Variants in ITGA2 observed in about 807,000 individuals in gnomAD.
ITGA2 encodes the protein integrin subunit alpha 2, also known as integrin alpha-2.
Under a neutral mutation model 146.3 loss-of-function variants are expected in ITGA2, and 101 were observed. The observed-to-expected ratio is 0.69, with a 90% CI of 0.59 to 0.81. The LOEUF (loss-of-function observed/expected upper bound fraction) is 0.81, where lower values mean the gene tolerates loss of function less well. Ranked by LOEUF, ITGA2 falls within the 40% of genes least tolerant of loss-of-function variation. The pLI is 0.00. For synonymous variants in ITGA2, 477 were observed against 487.1 expected (o/e 0.98, Z 0.27); for missense variants, 1,281 against 1,402.7 (o/e 0.91, Z 1.39).
Position 53,051,539 on chromosome 5 carries a change from C to T in ITGA2, c.759C>T (p.Phe253=), listed in dbSNP as rs1126643. Residue 253 remains phenylalanine, a synonymous_variant, in exon 7 of 30, where the codon TTC becomes TTT. Coordinates refer to ENST00000296585, the MANE Select transcript of ITGA2 (RefSeq NM_002203.4). ...SQYGGDLTNT[F]GAIQYARKYA... is the part of the protein sequence containing the mutation. ...ATGGTGGGGACCTCACAAACACATTCGGAGCAATTCAATATGCAAGGTAAG... is the reference window on the plus strand; with the variant it reads ...ATGGTGGGGACCTCACAAACACATTTGGAGCAATTCAATATGCAAGGTAAG... 0.39 allele frequency: 630,746 copies of T among 1,611,596 alleles called. 124,953 individuals carry two copies. The highest frequency in any genetic ancestry group is 0.45 in the Admixed American group (26,752 of 59,936).
intron 2 of ITGA2, 85 bp from the exon 3 acceptor site, chr5:53,042,027 T>C (rs1743823229): frequency 3.5e-6 from 3 of 853,222 alleles, no homozygotes; most frequent in Admixed American, 1.7e-5. Flanking sequence ...GAAATTTAAA[T>C]GTGTTTTTCA....
chr5:53,045,496 C>T (rs1386727503), intron 4 of ITGA2, among the ~76,000 whole-genome samples: 2 of 152,118 alleles, frequency 1.3e-5, no homozygotes, highest in Non-Finnish European at 2.9e-5. Context: ...CTGGTGTTAT[C>T]TGAGGCATGG....
intron 10 of ITGA2, 133 bp from the exon 11 acceptor site, chr5:53,059,741 G>T: frequency 1.1e-6 from 1 of 870,328 alleles, no homozygotes; most frequent in Non-Finnish European, 1.8e-6. Flanking sequence ...TCTACAATAT[G>T]TCAATATATG....
chr5:53,030,611 G>A (rs987006174), intron 2 of ITGA2, among the ~76,000 whole-genome samples: 1 of 152,146 alleles, frequency 6.6e-6, no homozygotes, highest in African/African-American at 2.4e-5. Context: ...TGTTGATCTG[G>A]TCTTATGAAG....
intron 1 of ITGA2, among the ~76,000 whole-genome samples, chr5:53,015,972 T>C (rs1742383708): frequency 6.6e-6 from 1 of 152,208 alleles, no homozygotes. Flanking sequence ...TTTGAGCCTA[T>C]GGGTGTCATC....
At chr5:53,046,723 A>G (rs1744109817) in intron 4 of ITGA2, among the ~76,000 whole-genome samples, 1 of 151,878 alleles carries the variant, frequency 6.6e-6, no homozygotes, top group African/African-American at 2.4e-5. Flanking sequence ...AAAAAGAAAA[A>G]ACCCAAAGTT....
chr5:53,055,078 G>T (rs1461464129), intron 7 of ITGA2, among the ~76,000 whole-genome samples: 1 of 151,934 alleles, frequency 6.6e-6, no homozygotes, highest in African/African-American at 2.4e-5. Flanking sequence ...GTGGAGAGGG[G>T]TTTAGTGTCA....
chr5:53,058,206 C>G, intron 10 of ITGA2, 105 bp downstream of exon 10: 3 of 816,636 alleles, frequency 3.7e-6, no homozygotes, highest in Non-Finnish European at 6.4e-6. Flanking sequence ...AGGGATCAGC[C>G]CTTCTGATTC....
intron 1 of ITGA2, among the ~76,000 whole-genome samples, chr5:53,008,823 G>A (rs1741982074): frequency 6.6e-6 from 1 of 152,016 alleles, no homozygotes; most frequent in African/African-American, 2.4e-5. Context: ...GCCAGGTCTG[G>A]TATTTGATTT....
chr5:53,077,497 A>G (rs1745716845), intron 23 of ITGA2, among the ~76,000 whole-genome samples: 1 of 152,120 alleles, frequency 6.6e-6, no homozygotes, highest in Admixed American at 6.6e-5. Flanking sequence ...TAACAAATGG[A>G]AAAGTGTCAG....
At chr5:53,032,102 A>G (rs1230950769) in intron 2 of ITGA2, among the ~76,000 whole-genome samples, 1 of 152,184 alleles carries the variant, frequency 6.6e-6, no homozygotes, top group Non-Finnish European at 1.5e-5. Flanking sequence ...TCTAACAAGG[A>G]CTAGTGCATT....
chr5:53,090,372 G>C (rs1200465869), intron 29 of ITGA2, 147 bp from the exon 30 acceptor site: 1 of 729,512 alleles, frequency 1.4e-6, no homozygotes, highest in African/African-American at 1.8e-5. Context: ...GCAGGTGGTA[G>C]ATATCAGGTC....
chr5:53,027,819 C>T (rs780830603), intron 2 of ITGA2, among the ~76,000 whole-genome samples: 11 of 151,918 alleles, frequency 7.2e-5, no homozygotes, highest in Non-Finnish European at 1.0e-4. Context: ...CAGTGGCTCA[C>T]GCTTGTAATC....
chr5:53,051,020 A>G (rs1234113795), intron 6 of ITGA2, among the ~76,000 whole-genome samples: 2 of 152,186 alleles, frequency 1.3e-5, no homozygotes, highest in Non-Finnish European at 2.9e-5. Context: ...GATTGCTTAT[A>G]GTTGTTCGCG....
chr5:53,055,492 C>T (rs1340271604), intron 7 of ITGA2, 46 bp from the exon 8 acceptor site: 2 of 1,582,548 alleles, frequency 1.3e-6, no homozygotes, highest in Non-Finnish European at 8.7e-7. Flanking sequence ...CTCATATTAA[C>T]TTCATATTTT....
chr5:53,041,676 C>A (rs919515060), intron 2 of ITGA2, among the ~76,000 whole-genome samples: 8 of 152,216 alleles, frequency 5.3e-5, no homozygotes, highest in African/African-American at 1.9e-4. Context: ...CACTGAAGTT[C>A]AAAGACTTAG....
intron 18 of ITGA2, 90 bp from the exon 19 acceptor site, chr5:53,072,523 A>C (rs1579890084): frequency 8.4e-6 from 7 of 829,966 alleles, no homozygotes; most frequent in Non-Finnish European, 1.4e-5. Flanking sequence ...TTTGTACTTT[A>C]TGTAAATAGA....
intron 28 of ITGA2, among the ~76,000 whole-genome samples, chr5:53,088,072 C>T (rs567619512): frequency 5.3e-4 from 80 of 152,316 alleles, no homozygotes; most frequent in Admixed American, 1.1e-3. Context: ...TCTCTTCAGA[C>T]ACTGGGGCCT....
rs552866846 is a variant in ITGA2, at chr5:53,070,317, G to A, written c.2235+57G>A. ...ATTTCTTCCTAAAGACGAGAGAGTG[G>A]TAAAAGTCAAAAATGGAAGCTTATG... On this transcript the variant is annotated intron_variant, in intron 17 of 29. Coordinates refer to ENST00000296585, the MANE Select transcript of ITGA2 (RefSeq NM_002203.4). 56 of 1,576,310 alleles carry A rather than the reference G, an allele frequency of 3.6e-5. No homozygotes were observed. The African/African-American group carries it at 4.9e-4, about 14-fold the overall frequency.
Sources: gnomAD v4.1 joint callset for allele counts (sites outside exome capture counted in the v4.1 genomes callset) on GRCh38, gnomAD v4.1.1 for gene constraint, MANE v1.5 for transcripts, NCBI Gene and HGNC (gene_info 2026-07-23, HGNC 2026-07-21) for gene names.